IRAK1BP1: variants seen among roughly 807,000 people sequenced by gnomAD.
IRAK1BP1 encodes the protein interleukin-1 receptor-associated kinase 1-binding protein 1.
In IRAK1BP1, 24 loss-of-function variants were observed where a neutral mutation model predicts 28.0. The observed-to-expected ratio is 0.86, with a 90% CI of 0.62 to 1.20. The LOEUF (loss-of-function observed/expected upper bound fraction) is 1.20. Among genes scored for constraint, IRAK1BP1 ranks in the 50% most tolerant of loss-of-function variants. The pLI, the probability that IRAK1BP1 is intolerant of heterozygous loss-of-function variation, is 0.00. For missense variants in IRAK1BP1, 336 were observed against 316.7 expected (o/e 1.06, Z -0.46); for synonymous variants, 131 against 116.3 (o/e 1.13, Z -0.81).
the IRAK1BP1 span, chr6:78,969,904 G>T: frequency 6.3e-7 from 1 of 1,596,152 alleles, no homozygotes; most frequent in Non-Finnish European, 8.6e-7. Context: ...ATAACGTCAG[G>T]CATATCATGG....
At chr6:78,930,875 G>A (rs761624056) in intron 4 of IRAK1BP1, among the ~76,000 whole-genome samples, 1 of 152,010 alleles carries the variant, frequency 6.6e-6, no homozygotes, top group Non-Finnish European at 1.5e-5. Context: ...AAGTGGCAGT[G>A]AGCCGAGATC....
chr6:78,939,862 C>G (rs1049348630), intron 4 of IRAK1BP1: 2 of 152,434 alleles, frequency 1.3e-5, no homozygotes, highest in Non-Finnish European at 2.9e-5. Context: ...CTCAGCATAA[C>G]TCTTTAATAA....
At chr6:78,966,339 G>A in the IRAK1BP1 span, among the ~76,000 whole-genome samples, 1 of 152,098 alleles carries the variant, frequency 6.6e-6, no homozygotes, top group Non-Finnish European at 1.5e-5. Context: ...TACCAATCTA[G>A]CATTTGAAAT....
chr6:78,882,007 G>C (rs1466202300), intron 1 of IRAK1BP1, among the ~76,000 whole-genome samples: 4 of 152,078 alleles, frequency 2.6e-5, no homozygotes, highest in Admixed American at 2.6e-4. Context: ...GTATCTGTGT[G>C]CGTATATATA....
At chr6:78,937,029 T>C (rs1022056077) in intron 4 of IRAK1BP1, 1 of 151,812 alleles carries the variant, frequency 6.6e-6, no homozygotes, top group Non-Finnish European at 1.5e-5. Flanking sequence ...CTTTTTAGGT[T>C]AATAGGAGTA....
intron 2 of IRAK1BP1, among the ~76,000 whole-genome samples, chr6:78,895,386 G>GA (rs1771843872): frequency 6.6e-6 from 1 of 152,000 alleles, no homozygotes; most frequent in Admixed American, 6.6e-5. Context: ...AAGATAACCA[G>GA]AAAAATACCA....
chr6:78,957,458 TATTA>T, the IRAK1BP1 span: 3 of 151,906 alleles, frequency 2.0e-5, no homozygotes, highest in Non-Finnish European at 4.4e-5. Context: ...AACTTTACCT[TATTA>T]ATTATGTTTG....
intron 4 of IRAK1BP1, chr6:78,938,020 A>G (rs1773338351): frequency 1.3e-5 from 2 of 151,778 alleles, no homozygotes; most frequent in South Asian, 4.1e-4. Flanking sequence ...TATTAACAGT[A>G]CATACATAGT....
At chr6:78,920,792 T>C (rs1359254126) in intron 4 of IRAK1BP1, among the ~76,000 whole-genome samples, 4 of 152,158 alleles carry the variant, frequency 2.6e-5, no homozygotes, top group Admixed American at 2.6e-4. Flanking sequence ...AAGTGGGACT[T>C]AATTAAACTA....
rs79594764 is a variant in IRAK1BP1 at position 78,875,760 on chromosome 6, G to A, written c.315+7869G>A. On this transcript the variant is annotated intron_variant, in intron 1 of 3. Coordinates refer to ENST00000369940, the MANE Select transcript of IRAK1BP1 (RefSeq NM_001010844.4). ...CAGAAGTGGTTGAAAAAGTAACCAC[G>A]TAGTGTTTCCTACTTGGGCAACGGG... is the stretch of plus-strand genomic sequence containing the variant. Among the ~76,000 whole-genome samples the A allele has an allele frequency of 6.7e-4, 102 of 152,180 alleles. 1 individual carries two copies. In the South Asian group the frequency reaches 8.1e-3, roughly 12 times the overall value.
At chr6:78,931,294 C>T (rs569973052) in intron 4 of IRAK1BP1, among the ~76,000 whole-genome samples, 16 of 152,072 alleles carry the variant, frequency 1.1e-4, no homozygotes, top group African/African-American at 2.7e-4. Flanking sequence ...TACCTGTAGT[C>T]GAAGCTACTC....
chr6:78,870,104 C>T (rs560896618), intron 1 of IRAK1BP1, among the ~76,000 whole-genome samples: 369 of 110,346 alleles, frequency 3.3e-3, no homozygotes, highest in Non-Finnish European at 5.0e-3. Flanking sequence ...AGTGAAACTC[C>T]GTCCCAAAAA....
At chr6:78,896,019 A>T (rs1771870000) in intron 2 of IRAK1BP1, among the ~76,000 whole-genome samples, 1 of 152,238 alleles carries the variant, frequency 6.6e-6, no homozygotes, top group Admixed American at 6.5e-5. Context: ...ATACATAGGG[A>T]TAAATCTGTT....
intron 4 of IRAK1BP1, among the ~76,000 whole-genome samples, chr6:78,927,919 T>C (rs2127669002): frequency 6.6e-6 from 1 of 152,312 alleles, no homozygotes; most frequent in South Asian, 2.1e-4. Context: ...GCCAGTACCA[T>C]GCTGTTTTGC....
chr6:78,903,218 C>T, downstream of IRAK1BP1: 2 of 591,706 alleles, frequency 3.4e-6, no homozygotes. Context: ...CATGGTGGCT[C>T]ACATGTGTAA....
the IRAK1BP1 span, among the ~76,000 whole-genome samples, chr6:78,966,601 TA>T: frequency 6.6e-6 from 1 of 152,090 alleles, no homozygotes; most frequent in African/African-American, 2.4e-5. Context: ...GAAACAAAAA[TA>T]AAACAACTAT....
At chr6:78,876,821 T>C (rs1359317007) in intron 1 of IRAK1BP1, among the ~76,000 whole-genome samples, 1 of 152,146 alleles carries the variant, frequency 6.6e-6, no homozygotes, top group Non-Finnish European at 1.5e-5. Flanking sequence ...CAATAAAAAA[T>C]GTCTCCAGGC....
At chr6:78,965,854 GT>G in the IRAK1BP1 span, 37 of 1,189,338 alleles carry the variant, frequency 3.1e-5, no homozygotes, top group Non-Finnish European at 3.7e-5. Context: ...TTGCTTCTGT[GT>G]TTAAAAGAAG....
exon 5 of IRAK1BP1, chr6:78,946,433 A>G: frequency 1.4e-6 from 2 of 1,404,514 alleles, no homozygotes; most frequent in Non-Finnish European, 1.8e-6. Flanking sequence ...TTAGTGAAGG[A>G]TCGCTGTAAA....
Sources: allele counts gnomAD v4.1 joint callset (sites outside exome capture counted in the v4.1 genomes callset), GRCh38; gene constraint gnomAD v4.1.1; transcripts MANE v1.5; gene names NCBI Gene and HGNC (gene_info 2026-07-23, HGNC 2026-07-21).